Variants in FAT3 observed in about 807,000 individuals in gnomAD.
The protein encoded by FAT3 is FAT atypical cadherin 3.
Under a neutral mutation model 310.2 loss-of-function variants are expected in FAT3, and 95 were observed. That is an observed-to-expected ratio of 0.31 (90% confidence interval 0.26 to 0.36). The LOEUF (loss-of-function observed/expected upper bound fraction) is 0.36, where lower values mean the gene tolerates loss of function less well. Ranked by LOEUF, FAT3 falls within the 10% of genes least tolerant of loss-of-function variation. FAT3 has a pLI of 1.00. For missense variants in FAT3, 5,408 were observed against 5,715.6 expected (o/e 0.95, Z 1.74); for synonymous variants, 2,314 against 2,192.9 (o/e 1.06, Z -1.54).
chr11:92,297,666 T>C (rs1946885347), intron 1 of FAT3, among the ~76,000 whole-genome samples: 1 of 152,132 alleles, frequency 6.6e-6, no homozygotes, highest in South Asian at 2.1e-4. Flanking sequence ...TAAGCCTGCA[T>C]TTGCAAACAT....
chr11:92,697,401 T>C lies in FAT3; in HGVS notation c.3625T>C (p.Ser1209Pro), dbSNP rs2135906854. The C allele has an allele frequency of 6.2e-7, 1 of 1,613,860 alleles. No homozygotes were observed. The highest frequency in any genetic ancestry group is 1.1e-5 in the South Asian group (1 of 91,076). Residue 1209 changes from serine (S) to proline (P), a missense_variant, in exon 4 of 28, where the codon TCA becomes CCA. Coordinates refer to ENST00000525166, the MANE Select transcript of FAT3 (RefSeq NM_001367949.2). ...NIKTGLITTT[S>P]RKLDREQQAE... is the part of the protein sequence containing the mutation. Reference sequence around the variant, plus strand: ...CTACACAGGTCTGATTACAACAACTTCAAGGAAATTGGATCGAGAACAGCA... The same window carrying C: ...CTACACAGGTCTGATTACAACAACTCCAAGGAAATTGGATCGAGAACAGCA...
chr11:92,860,283 A>C (rs145694251), intron 21 of FAT3, among the ~76,000 whole-genome samples: 1 of 152,336 alleles, frequency 6.6e-6, no homozygotes, highest in African/African-American at 2.4e-5. Context: ...AGAGAGGTTA[A>C]GTTATTTACC....
At chr11:92,261,168 G>A (rs1865538149) in intron 1 of FAT3, among the ~76,000 whole-genome samples, 2 of 151,898 alleles carry the variant, frequency 1.3e-5, no homozygotes, top group Non-Finnish European at 2.9e-5. Context: ...TATTTTCAGA[G>A]GCAAAATTAT....
At chr11:92,666,928 G>C (rs1401284270) in intron 3 of FAT3, among the ~76,000 whole-genome samples, 1 of 152,102 alleles carries the variant, frequency 6.6e-6, no homozygotes, top group Non-Finnish European at 1.5e-5. Flanking sequence ...TTGTGCCTAT[G>C]CTGCAAGGCA....
chr11:92,381,469 C>T (rs1387274539), intron 2 of FAT3, among the ~76,000 whole-genome samples: 6 of 152,132 alleles, frequency 3.9e-5, no homozygotes, highest in South Asian at 4.1e-4. Context: ...GCCAAGATCA[C>T]GCCATTGCAC....
At chr11:92,505,833 T>C (rs1953082657) in intron 2 of FAT3, among the ~76,000 whole-genome samples, 1 of 152,174 alleles carries the variant, frequency 6.6e-6, no homozygotes, top group Non-Finnish European at 1.5e-5. Context: ...ATTCAACAAA[T>C]ATTTATTGTT....
chr11:92,389,228 C>A (rs1949695189), intron 2 of FAT3, among the ~76,000 whole-genome samples: 1 of 152,124 alleles, frequency 6.6e-6, no homozygotes. Context: ...AACAAAATGC[C>A]ATAGACTGGG....
At chr11:92,453,523 C>T (rs921702235) in intron 2 of FAT3, among the ~76,000 whole-genome samples, 6 of 151,632 alleles carry the variant, frequency 4.0e-5, no homozygotes, top group African/African-American at 1.5e-4. Flanking sequence ...ATAAAAGTCA[C>T]GTGGGATCAA....
At chr11:92,493,827 C>A (rs1952675347) in intron 2 of FAT3, among the ~76,000 whole-genome samples, 1 of 151,944 alleles carries the variant, frequency 6.6e-6, no homozygotes, top group Non-Finnish European at 1.5e-5. Flanking sequence ...AAACTTCATT[C>A]TATTAGTACC....
At chr11:92,511,961 G>A (rs1014004742) in intron 2 of FAT3, among the ~76,000 whole-genome samples, 4 of 152,128 alleles carry the variant, frequency 2.6e-5, no homozygotes, top group Admixed American at 1.3e-4. Flanking sequence ...CCCACTGTGA[G>A]GAGCACAAGA....
chr11:92,727,615 G>A (rs1945037095), intron 4 of FAT3, among the ~76,000 whole-genome samples: 1 of 152,154 alleles, frequency 6.6e-6, no homozygotes, highest in Non-Finnish European at 1.5e-5. Flanking sequence ...GGTGTGGGTG[G>A]CGTGGTAGGT....
chr11:92,576,849 C>T (rs1420576412), intron 3 of FAT3, among the ~76,000 whole-genome samples: 1 of 152,020 alleles, frequency 6.6e-6, no homozygotes, highest in Non-Finnish European at 1.5e-5. Flanking sequence ...TACACTGAAG[C>T]TATTTTTTTA....
chr11:92,551,414 TTGTGTGTG>T (rs71473973), intron 3 of FAT3, among the ~76,000 whole-genome samples: 3 of 128,876 alleles, frequency 2.3e-5, no homozygotes, highest in Non-Finnish European at 3.2e-5. Flanking sequence ...TTTTTTTGTT[TTGTGTGTG>T]TGTGTGTGTG....
chr11:92,529,204 CA>C (rs1953982107), intron 3 of FAT3, among the ~76,000 whole-genome samples: 1 of 152,002 alleles, frequency 6.6e-6, no homozygotes, highest in Admixed American at 6.5e-5. Flanking sequence ...AAAAACAAAA[CA>C]AAACAAAAAA....
chr11:92,268,373 A>C (rs2134327210), intron 1 of FAT3, among the ~76,000 whole-genome samples: 1 of 152,174 alleles, frequency 6.6e-6, no homozygotes, highest in South Asian at 2.1e-4. Flanking sequence ...AGCTGCCTTA[A>C]CTTCCCTAAA....
rs148735746 is a variant in FAT3 at position 92,305,374 on chromosome 11, A to G, written c.-17-46722A>G. 7.2e-3 allele frequency among the ~76,000 whole-genome samples: 1,100 copies of G among 152,260 alleles called. 18 individuals carry two copies. Among genetic ancestry groups the G allele is most frequent in the African/African-American group, 0.025 (1,030 of 41,542 alleles). ...TGTAGAAGAAAAGATGGGAAATGGA[A>G]AAGCACCATTTGGTAAACACCACGG... On this transcript the variant is annotated intron_variant, in intron 1 of 27. Transcript: ENST00000525166.
At chr11:92,732,856 G>A (rs1437546561) in intron 4 of FAT3, among the ~76,000 whole-genome samples, 1 of 152,174 alleles carries the variant, frequency 6.6e-6, no homozygotes, top group Admixed American at 6.5e-5. Context: ...CCAAGGGACA[G>A]TTTGATAAGT....
At chr11:92,488,330 G>A (rs998814791) in intron 2 of FAT3, among the ~76,000 whole-genome samples, 5 of 151,748 alleles carry the variant, frequency 3.3e-5, no homozygotes, top group African/African-American at 1.2e-4. Context: ...CCTGAGGAGA[G>A]GACTTAGCTA....
chr11:92,762,276 C>T (rs1022844876), intron 5 of FAT3, 106 bp downstream of exon 5: 6 of 1,180,640 alleles, frequency 5.1e-6, no homozygotes, highest in African/African-American at 1.5e-5. Context: ...AAAAGTGAAG[C>T]CACACAGCTG....
Sources: gnomAD v4.1 joint callset for allele counts (sites outside exome capture counted in the v4.1 genomes callset) on GRCh38, gnomAD v4.1.1 for gene constraint, MANE v1.5 for transcripts, NCBI Gene and HGNC (gene_info 2026-07-23, HGNC 2026-07-21) for gene names.